Variants in KLHL4 observed in about 807,000 individuals in gnomAD.
KLHL4 encodes kelch-like protein 4.
KLHL4 carries 17 observed loss-of-function variants against 45.8 expected under a neutral mutation model. The ratio of observed to expected loss-of-function variants is 0.37; its 90% CI spans 0.25 to 0.56. The LOEUF (loss-of-function observed/expected upper bound fraction) is 0.56. KLHL4 is among the 20% of genes least tolerant of loss of function. KLHL4 has a pLI of 0.79. For missense variants in KLHL4, 544 were observed against 544.9 expected, an observed-to-expected ratio of 1.00 and a Z score of 0.02; for synonymous variants, 224 against 189.9, an observed-to-expected ratio of 1.18 and a Z score of -1.47.
intron 1 of KLHL4, among the ~76,000 whole-genome samples, chrX:87,543,505 A>G (rs1176201264): frequency 1.8e-5 from 2 of 111,321 alleles, no homozygotes; most frequent in East Asian, 5.7e-4. Context: ...CCCCTCCCCA[A>G]CACCCAGCAG....
At chrX:87,655,432 A>G (rs1437213948) in intron 9 of KLHL4, among the ~76,000 whole-genome samples, 1 of 112,132 alleles carries the variant, frequency 8.9e-6, no homozygotes, top group East Asian at 2.8e-4. Context: ...CTTCATGATT[A>G]TATTATGACA....
intron 1 of KLHL4, among the ~76,000 whole-genome samples, chrX:87,545,150 A>G (rs1055223134): frequency 5.3e-5 from 6 of 112,832 alleles, no homozygotes; most frequent in East Asian, 2.8e-4. Context: ...TGAAAATGCA[A>G]TTGGCATACT....
chrX:87,532,934 C>T (rs1931331698), intron 1 of KLHL4, among the ~76,000 whole-genome samples: 1 of 109,347 alleles, frequency 9.1e-6, no homozygotes, highest in Non-Finnish European at 1.9e-5. Context: ...ATTTATGCCG[C>T]CAAAAAACAC....
At chrX:87,656,751 T>A (rs1027264595) in intron 9 of KLHL4, among the ~76,000 whole-genome samples, 1 of 111,421 alleles carries the variant, frequency 9.0e-6, no homozygotes, top group Admixed American at 9.6e-5. Context: ...TTAGGGTTAT[T>A]ATAACGCCCT....
intron 1 of KLHL4, among the ~76,000 whole-genome samples, chrX:87,557,777 G>A (rs1026398465): frequency 9.5e-6 from 1 of 104,993 alleles, no homozygotes; most frequent in Non-Finnish European, 1.9e-5. Flanking sequence ...AAGTTATTTT[G>A]AAAATATTTG....
At chrX:87,533,836 T>C (rs1409550212) in intron 1 of KLHL4, among the ~76,000 whole-genome samples, 1 of 111,439 alleles carries the variant, frequency 9.0e-6, no homozygotes, top group Non-Finnish European at 1.9e-5. Flanking sequence ...AGTAAAAACC[T>C]TCTATGAGGG....
chrX:87,556,767 T>G (rs1931986948), intron 1 of KLHL4, among the ~76,000 whole-genome samples: 1 of 96,159 alleles, frequency 1.0e-5, no homozygotes, highest in Non-Finnish European at 2.0e-5. Context: ...TCTGAGAAAG[T>G]GCTACCATGT....
intron 1 of KLHL4, among the ~76,000 whole-genome samples, chrX:87,539,332 T>C (rs756709515): frequency 2.3e-4 from 26 of 110,866 alleles, no homozygotes; most frequent in Non-Finnish European, 4.5e-4. Context: ...TAATCACTAT[T>C]TTAAAATAAA....
intron 1 of KLHL4, among the ~76,000 whole-genome samples, chrX:87,606,411 G>A (rs1422433716): frequency 1.8e-5 from 2 of 110,477 alleles, no homozygotes; most frequent in Non-Finnish European, 3.8e-5. Flanking sequence ...CAGACTAAAA[G>A]CATTCAAAAT....
chrX:87,642,820 G>GT (rs1325033747), intron 9 of KLHL4, among the ~76,000 whole-genome samples: 10 of 112,127 alleles, frequency 8.9e-5, no homozygotes, highest in Non-Finnish European at 1.9e-4. Context: ...CAAAGACAAG[G>GT]TTTTTTAATT....
intron 9 of KLHL4, among the ~76,000 whole-genome samples, chrX:87,640,102 T>A (rs1569359782): frequency 9.0e-6 from 1 of 110,948 alleles, no homozygotes; most frequent in African/African-American, 3.3e-5. Context: ...AGGTGATGGA[T>A]AAATTCCTAG....
chrX:87,543,365 A>G (rs1170995690), intron 1 of KLHL4, among the ~76,000 whole-genome samples: 1 of 111,606 alleles, frequency 9.0e-6, no homozygotes, highest in Non-Finnish European at 1.9e-5. Context: ...TAACAACTAT[A>G]TACACCCAAA....
intron 1 of KLHL4, among the ~76,000 whole-genome samples, chrX:87,520,406 G>A (rs192547610): frequency 1.3e-3 from 151 of 112,431 alleles, no homozygotes; most frequent in Non-Finnish European, 5.4e-4. Context: ...GAGCTATGAC[G>A]CTCAGAGTAA....
intron 1 of KLHL4, among the ~76,000 whole-genome samples, chrX:87,607,769 A>T (rs1363483076): frequency 9.0e-6 from 1 of 111,195 alleles, no homozygotes; most frequent in Non-Finnish European, 1.9e-5. Flanking sequence ...CTTGCTCCTC[A>T]TTCTTTTTAT....
In KLHL4 at chrX:87,667,741, A is replaced by G. The variant is rs1924420195; in HGVS notation, c.*1207A>G. On this transcript the variant is annotated 3_prime_UTR_variant, in exon 11 of 11. Transcript: ENST00000373119. Reference sequence around the variant, plus strand: ...TTTGTGAAAGTAACTTTTCAAGTAAATGCACAACTTTAGAATTTCTACAAA... The same window carrying G: ...TTTGTGAAAGTAACTTTTCAAGTAAGTGCACAACTTTAGAATTTCTACAAA... The G allele has an allele frequency of 7.2e-6, 5 of 697,179 alleles. No homozygotes were observed. The highest frequency in any genetic ancestry group is 8.5e-6 in the Non-Finnish European group (5 of 588,217). The allele number at this position is 697,179 out of a possible 1,213,427, so 57.5% of individuals were successfully genotyped here. A position where few individuals can be genotyped will look rare whatever the true frequency, so the allele number is the denominator to read the frequency against.
At chrX:87,650,789 A>G (rs1602465053) in intron 9 of KLHL4, among the ~76,000 whole-genome samples, 1 of 112,014 alleles carries the variant, frequency 8.9e-6, no homozygotes, top group African/African-American at 3.2e-5. Context: ...GAAGAAAAAG[A>G]TGTTTAATGG....
intron 9 of KLHL4, among the ~76,000 whole-genome samples, chrX:87,653,888 T>A (rs942750396): frequency 2.7e-5 from 3 of 111,180 alleles, no homozygotes; most frequent in Non-Finnish European, 3.8e-5. Context: ...AACAGAAAAT[T>A]AAACACCTCC....
At chrX:87,521,501 A>G (rs1171562597) in intron 1 of KLHL4, among the ~76,000 whole-genome samples, 1 of 111,813 alleles carries the variant, frequency 8.9e-6, no homozygotes, top group East Asian at 2.8e-4. Context: ...CAATAAAAAC[A>G]AACCAAATTA....
intron 6 of KLHL4, among the ~76,000 whole-genome samples, chrX:87,628,094 A>G (rs1487119002): frequency 1.8e-5 from 2 of 111,808 alleles, no homozygotes; most frequent in African/African-American, 6.5e-5. Flanking sequence ...GGGACGTTGC[A>G]GACCATTAAA....
Sources: allele counts gnomAD v4.1 joint callset (sites outside exome capture counted in the v4.1 genomes callset), GRCh38; gene constraint gnomAD v4.1.1; transcripts MANE v1.5; gene names NCBI Gene and HGNC (gene_info 2026-07-23, HGNC 2026-07-21).